TMEM88: variants seen among roughly 807,000 people sequenced by gnomAD.
TMEM88 encodes transmembrane protein 88.
In TMEM88, 8 loss-of-function variants were observed where a neutral mutation model predicts 10.0. The observed-to-expected ratio is 0.80, with a 90% CI of 0.47 to 1.44. The LOEUF (loss-of-function observed/expected upper bound fraction) is 1.44, where lower values mean the gene tolerates loss of function less well. TMEM88 is among the 40% of genes most tolerant of loss of function. The pLI is 0.00. For synonymous variants in TMEM88, 139 were observed against 104.9 expected (o/e 1.33, Z -1.99); for missense variants, 255 against 217.8 (o/e 1.17, Z -1.07).
Position 7,855,808 on chromosome 17 carries a change from C to G in TMEM88, c.*94C>G. 1 of 1,431,832 alleles carries G rather than the reference C, an allele frequency of 7.0e-7. No homozygotes were observed. The highest frequency in any genetic ancestry group is 9.1e-7 in the Non-Finnish European group (1 of 1,094,894). The allele number at this position is 1,431,832 out of a possible 1,614,324, so 88.7% of individuals were successfully genotyped here. A position where few individuals can be genotyped will look rare whatever the true frequency, so the allele number is the denominator to read the frequency against. Reference sequence around the variant, plus strand: ...GGCATCTTCCGACCTGCCCTGCCCCCACCCCTGCCTGAGCGGAGTCCTAGC... The same window carrying G: ...GGCATCTTCCGACCTGCCCTGCCCCGACCCCTGCCTGAGCGGAGTCCTAGC... On this transcript the variant is annotated 3_prime_UTR_variant, in exon 2 of 2. Coordinates refer to ENST00000301599, the MANE Select transcript of TMEM88 (RefSeq NM_203411.2).
At position 7,856,045 on chromosome 17, in the gene TMEM88, G is replaced by A. The variant is rs2078805030; in HGVS notation, c.*331G>A. ...TCTCTAGTATTTCTGGGGCTGGGGG[G>A]CGGGGCTGGAGGGGAAGGAGTGTCC... On this transcript the variant is annotated 3_prime_UTR_variant, in exon 2 of 2. Coordinates refer to ENST00000301599, the MANE Select transcript of TMEM88 (RefSeq NM_203411.2). 1.7e-6 allele frequency: 2 copies of A among 1,176,610 alleles called. No individual in the cohort carries two copies. The highest frequency in any genetic ancestry group is 2.2e-6 in the Non-Finnish European group (2 of 923,834). The allele number at this position is 1,176,610 out of a possible 1,614,324, so 72.9% of individuals were successfully genotyped here.
At position 7,855,476 on chromosome 17, in the gene TMEM88, C is replaced by T. The variant is rs752165112; in HGVS notation, c.242C>T (p.Ala81Val). 4.5e-5 allele frequency: 72 copies of T among 1,606,756 alleles called. No homozygotes were observed. Among genetic ancestry groups the T allele is most frequent in the Non-Finnish European group, 5.8e-5 (68 of 1,179,908 alleles). The change falls in exon 2 of 2, where the codon GCG becomes GTG. Residue 81 changes from alanine (A) to valine (V), a missense_variant. By Grantham distance (64) the Ala-to-Val change is moderately conservative. Coordinates refer to ENST00000301599, the MANE Select transcript of TMEM88 (RefSeq NM_203411.2). The part of the protein sequence containing the change: ...FLRSQAPPCT[A>V]HLRDPGFTAL... The stretch of plus-strand genomic sequence containing the variant: ...CGCTCCCAGGCACCCCCTTGCACCG[C>T]GCACCTGCGGGACCCCGGTTTCACG...
chr17:7,855,780 C>G lies in TMEM88; in HGVS notation c.*66C>G. 2 of 1,447,324 alleles carry G rather than the reference C, an allele frequency of 1.4e-6. No homozygotes were observed. Among genetic ancestry groups the G allele is most frequent in the Non-Finnish European group, 1.8e-6 (2 of 1,100,894 alleles). 89.7% of individuals were successfully genotyped at this position (1,447,324 alleles called of 1,614,324 possible). Reference sequence around the variant, plus strand: ...TCTTATTCGGCCCAAGGACTTGAAGCCCGGCATCTTCCGACCTGCCCTGCC... The same window carrying G: ...TCTTATTCGGCCCAAGGACTTGAAGGCCGGCATCTTCCGACCTGCCCTGCC... On this transcript the variant is annotated 3_prime_UTR_variant, in exon 2 of 2. Coordinates refer to ENST00000301599, the MANE Select transcript of TMEM88 (RefSeq NM_203411.2).
rs865982510 is a variant in TMEM88, at chr17:7,855,109, C to T, written c.35C>T (p.Pro12Leu). 6.2e-6 allele frequency: 10 copies of T among 1,607,570 alleles called. No homozygotes were observed. Among genetic ancestry groups the T allele is most frequent in the Non-Finnish European group, 8.5e-6 (10 of 1,179,670 alleles). ...GTCCCCGGGGCACAGCGAGCGGTTCCTGGTGACGGCCCAGAGCCCCGGGAC... is the reference window on the plus strand; with the variant it reads ...GTCCCCGGGGCACAGCGAGCGGTTCTTGGTGACGGCCCAGAGCCCCGGGAC... ...ADVPGAQRAV[P>L]GDGPEPRDPL... Residue 12 changes from proline (P) to leucine (L), a missense_variant, in exon 1 of 2, where the codon CCT (proline) becomes CTT (leucine). Coordinates refer to ENST00000301599, the MANE Select transcript of TMEM88 (RefSeq NM_203411.2).
chr17:7,855,226 G>A lies in TMEM88; in HGVS notation c.152G>A (p.Gly51Glu). 1 of 1,607,796 alleles carries A rather than the reference G, an allele frequency of 6.2e-7. No individual in the cohort carries two copies. Residue 51 changes from glycine (G) to glutamate (E), a missense_variant, in exon 1 of 2, where the codon GGG becomes GAG. By Grantham distance (98) the Gly-to-Glu change is moderately conservative. Coordinates refer to ENST00000301599, the MANE Select transcript of TMEM88 (RefSeq NM_203411.2). ...FNLLLLVLVL[G>E]TILLPAVTML... ...CTTCTCCTGCTGGTGCTGGTGCTAGGGACCATCTTGCTACCCGCTGTCACC... is the reference window on the plus strand; with the variant it reads ...CTTCTCCTGCTGGTGCTGGTGCTAGAGACCATCTTGCTACCCGCTGTCACC...
chr17:7,855,484 C>T lies in TMEM88; in HGVS notation c.250C>T (p.Arg84Trp). Residue 84 changes from arginine to tryptophan, a missense_variant, in exon 2 of 2, where the codon CGG becomes TGG. Physicochemically the swap from Arg to Trp is moderately radical, Grantham distance 101. Coordinates refer to ENST00000301599, the MANE Select transcript of TMEM88 (RefSeq NM_203411.2). ...SQAPPCTAHL[R>W]DPGFTALLVT... Reference sequence around the variant, plus strand: ...GGCACCCCCTTGCACCGCGCACCTGCGGGACCCCGGTTTCACGGCCCTACT... The same window carrying T: ...GGCACCCCCTTGCACCGCGCACCTGTGGGACCCCGGTTTCACGGCCCTACT... 6.2e-7 allele frequency: 1 copy of T among 1,607,528 alleles called. No homozygotes were observed. Among genetic ancestry groups the T allele is most frequent in the African/African-American group, 1.3e-5 (1 of 75,042 alleles).
rs779809936 is a variant in TMEM88, at chr17:7,855,668, C to A, written c.434C>A (p.Ser145Ter). 2 of 1,604,070 alleles carry A rather than the reference C, an allele frequency of 1.2e-6. No individual in the cohort carries two copies. Among genetic ancestry groups the A allele is most frequent in the Non-Finnish European group, 1.7e-6 (2 of 1,176,282 alleles). ...RAPQPRQIRA[S>*]PGSQAVPTSG... ...CCGCAGCCGCGGCAAATCCGGGCCT[C>A]ACCAGGGTCCCAGGCCGTTCCCACA... The change falls in exon 2 of 2, where the codon TCA becomes TAA. Residue 145 changes from serine (S) to a stop codon, truncating the protein, a stop_gained. Coordinates refer to ENST00000301599, the MANE Select transcript of TMEM88 (RefSeq NM_203411.2). LOFTEE classifies it high-confidence loss of function.
At chr17:7,855,333 GGTGATGC>G in intron 1 of TMEM88, 49 bp downstream of exon 1, 1 of 1,589,276 alleles carries the variant, frequency 6.3e-7, no homozygotes, top group Non-Finnish European at 8.5e-7. Flanking sequence ...GTTGGTGTGT[GGTGATGC>G]TGGCGGTGGG....
chr17:7,855,747 G>A lies in TMEM88; in HGVS notation c.*33G>A, dbSNP rs932791653. On this transcript the variant is annotated 3_prime_UTR_variant, in exon 2 of 2. Coordinates refer to ENST00000301599, the MANE Select transcript of TMEM88 (RefSeq NM_203411.2). ...CGAGTCAAGAACAACCCTGACGGCT[G>A]CCCTCCCTCTTATTCGGCCCAAGGA... 2 of 1,485,272 alleles carry A rather than the reference G, an allele frequency of 1.3e-6. No individual in the cohort carries two copies. Among genetic ancestry groups the A allele is most frequent in the Non-Finnish European group, 1.8e-6 (2 of 1,115,668 alleles). 92.0% of individuals were successfully genotyped at this position (1,485,272 alleles called of 1,614,324 possible).
rs758263256 is a variant in TMEM88, at chr17:7,855,203, TCTC to T, written c.132_134del (p.Leu46del). 1.4e-5 allele frequency: 22 copies of T among 1,609,738 alleles called. No homozygotes were observed. Among genetic ancestry groups the T allele is most frequent in the East Asian group, 2.2e-5 (1 of 44,762 alleles). ...ATCTGCTGGTGGCTGCCTTCAATCT[TCTC>T]CTGCTGGTGCTGGTGCTAGGGACCA... On this transcript the variant is annotated inframe_deletion, in exon 1 of 2. Transcript: ENST00000301599.
rs1338096265 is a variant in TMEM88, at chr17:7,855,857, A to G, written c.*143A>G. ...GCATCCCCTTGGGAGCAGCAGCGTC[A>G]GTGGACCCAGTGCTGAGAAAAGCCC... On this transcript the variant is annotated 3_prime_UTR_variant, in exon 2 of 2. Coordinates refer to ENST00000301599, the MANE Select transcript of TMEM88 (RefSeq NM_203411.2). 4 of 1,420,454 alleles carry G rather than the reference A, an allele frequency of 2.8e-6. No individual in the cohort carries two copies. The highest frequency in any genetic ancestry group is 3.7e-6 in the Non-Finnish European group (4 of 1,090,330). The allele number at this position is 1,420,454 out of a possible 1,614,324, so 88.0% of individuals were successfully genotyped here.
Position 7,855,568 on chromosome 17 carries a change from C to T in TMEM88, c.334C>T (p.Arg112Cys). 1 of 1,608,228 alleles carries T rather than the reference C, an allele frequency of 6.2e-7. No individual in the cohort carries two copies. Among genetic ancestry groups the T allele is most frequent in the East Asian group, 2.2e-5 (1 of 44,876 alleles). ...CGTGCTTGCTCTGGCCAGCTACCGC[C>T]GCCTCTGCCTGCGCCTCCGCCTAGC... is the stretch of plus-strand genomic sequence containing the variant. ...LLVLALASYR[R>C]LCLRLRLADC... The change falls in exon 2 of 2, where the codon CGC becomes TGC. Residue 112 changes from arginine to cysteine, a missense_variant. By Grantham distance (180) the Arg-to-Cys change is radical. Coordinates refer to ENST00000301599, the MANE Select transcript of TMEM88 (RefSeq NM_203411.2).
chr17:7,855,871 T>C lies in TMEM88; in HGVS notation c.*157T>C. ...GCAGCAGCGTCAGTGGACCCAGTGC[T>C]GAGAAAAGCCCCCACATCCCGGAAA... On this transcript the variant is annotated 3_prime_UTR_variant, in exon 2 of 2. Coordinates refer to ENST00000301599, the MANE Select transcript of TMEM88 (RefSeq NM_203411.2). 7.1e-7 allele frequency: 1 copy of C among 1,403,260 alleles called. No individual in the cohort carries two copies. Among genetic ancestry groups the C allele is most frequent in the East Asian group, 2.6e-5 (1 of 37,958 alleles). The allele number at this position is 1,403,260 out of a possible 1,614,324, so 86.9% of individuals were successfully genotyped here. A position where few individuals can be genotyped will look rare whatever the true frequency, so the allele number is the denominator to read the frequency against.
rs1419063714 is a variant in TMEM88 at position 7,855,828 on chromosome 17, C to T, written c.*114C>T. On this transcript the variant is annotated 3_prime_UTR_variant, in exon 2 of 2. Coordinates refer to ENST00000301599, the MANE Select transcript of TMEM88 (RefSeq NM_203411.2). ...GCCCCCACCCCTGCCTGAGCGGAGT[C>T]CTAGCATCCCCTTGGGAGCAGCAGC... is the stretch of plus-strand genomic sequence containing the variant. The T allele has an allele frequency of 7.0e-7, 1 of 1,425,416 alleles. No individual in the cohort carries two copies. The highest frequency in any genetic ancestry group is 1.4e-5 in the African/African-American group (1 of 69,500). 88.3% of individuals were successfully genotyped at this position (1,425,416 alleles called of 1,614,324 possible). A position where few individuals can be genotyped will look rare whatever the true frequency, so the allele number is the denominator to read the frequency against.
Position 7,855,694 on chromosome 17 carries a change from T to A in TMEM88, c.460T>A (p.Ser154Thr), listed in dbSNP as rs1405265350. Reference sequence around the variant, plus strand: ...ACCAGGGTCCCAGGCCGTTCCCACATCAGGAAAGGTCTGGGTCTAATGACC... The same window carrying A: ...ACCAGGGTCCCAGGCCGTTCCCACAACAGGAAAGGTCTGGGTCTAATGACC... Reference protein sequence around the residue: ...ASPGSQAVPTSGKVWV With the variant: ...ASPGSQAVPTTGKVWV The change falls in exon 2 of 2, where the codon TCA becomes ACA. Residue 154 changes from serine (S) to threonine (T), a missense_variant. By Grantham distance (58) the Ser-to-Thr change is moderately conservative (BLOSUM62 1). Coordinates refer to ENST00000301599, the MANE Select transcript of TMEM88 (RefSeq NM_203411.2). 1.3e-6 allele frequency: 2 copies of A among 1,584,428 alleles called. No homozygotes were observed. Among genetic ancestry groups the A allele is most frequent in the Non-Finnish European group, 1.7e-6 (2 of 1,164,548 alleles).
chr17:7,855,316 T>G (rs2078791952), intron 1 of TMEM88, 32 bp downstream of exon 1: 1 of 1,588,874 alleles, frequency 6.3e-7, no homozygotes, highest in Non-Finnish European at 8.5e-7. Context: ...TGCGTGTGAG[T>G]GTGAGTGTTG....
At position 7,855,794 on chromosome 17, in the gene TMEM88, A is replaced by G. The variant is rs1214527646; in HGVS notation, c.*80A>G. ...AGGACTTGAAGCCCGGCATCTTCCG[A>G]CCTGCCCTGCCCCCACCCCTGCCTG... is the stretch of plus-strand genomic sequence containing the variant. On this transcript the variant is annotated 3_prime_UTR_variant, in exon 2 of 2. Transcript: ENST00000301599. 3 of 1,441,208 alleles carry G rather than the reference A, an allele frequency of 2.1e-6. No individual in the cohort carries two copies. Among genetic ancestry groups the G allele is most frequent in the Non-Finnish European group, 2.7e-6 (3 of 1,098,788 alleles). 89.3% of individuals were successfully genotyped at this position (1,441,208 alleles called of 1,614,324 possible).
In TMEM88 at chr17:7,855,218, GGTGCTA is replaced by G; in HGVS notation, c.146_151del (p.Val49_Leu50del). 1 of 1,608,522 alleles carries G rather than the reference GGTGCTA, an allele frequency of 6.2e-7. No homozygotes were observed. The highest frequency in any genetic ancestry group is 1.1e-5 in the South Asian group (1 of 90,016). ...CCTTCAATCTTCTCCTGCTGGTGCT[GGTGCTA>G]GGGACCATCTTGCTACCCGCTGTCA... is the stretch of plus-strand genomic sequence containing the variant. On this transcript the variant is annotated inframe_deletion, in exon 1 of 2. Coordinates refer to ENST00000301599, the MANE Select transcript of TMEM88 (RefSeq NM_203411.2).
Position 7,855,427 on chromosome 17 carries a change from A to C in TMEM88, c.211-18A>C. 1 of 1,600,072 alleles carries C rather than the reference A, an allele frequency of 6.2e-7. No homozygotes were observed. Among genetic ancestry groups the C allele is most frequent in the South Asian group, 1.1e-5 (1 of 90,870 alleles). On this transcript the variant is annotated intron_variant, in intron 1 of 1. Coordinates refer to ENST00000301599, the MANE Select transcript of TMEM88 (RefSeq NM_203411.2). ...GTATCGCCTGGTCGGCTTGGGCCTG[A>C]CGCCTCTTCTCCCACAGTTCCTGCG...
Sources: allele counts gnomAD v4.1 joint callset, GRCh38; gene constraint gnomAD v4.1.1; transcripts MANE v1.5; gene names NCBI Gene and HGNC (gene_info 2026-07-23, HGNC 2026-07-21).